The following CFAP54 variants were observed in gnomAD, a reference collection of about 807,000 sequenced individuals.
CFAP54 encodes the protein cilia- and flagella-associated protein 54.
CFAP54 carries 290 observed loss-of-function variants against 370.4 expected under a neutral mutation model. The ratio of observed to expected loss-of-function variants is 0.78; its 90% CI spans 0.71 to 0.86. CFAP54 has a LOEUF of 0.86. Among genes scored for constraint, CFAP54 ranks in the 40% least tolerant of loss-of-function variants. The pLI is 0.00. For missense variants in CFAP54, 3,399 were observed against 3,528.7 expected, an observed-to-expected ratio of 0.96 and a Z score of 0.93; for synonymous variants, 1,206 against 1,236.5, an observed-to-expected ratio of 0.98 and a Z score of 0.52.
chr12:96,502,396 TAAA>T (rs535053383), intron 2 of CFAP54, among the ~76,000 whole-genome samples: 1 of 68,594 alleles, frequency 1.5e-5, no homozygotes, highest in Non-Finnish European at 2.6e-5. Flanking sequence ...ACACTGTCCC[TAAA>T]AAAAAAAAAA....
intron 66 of CFAP54, 22 bp from the exon 67 acceptor site, chr12:96,860,797 A>G: frequency 6.7e-7 from 1 of 1,500,714 alleles, no homozygotes; most frequent in South Asian, 1.3e-5. Context: ...CATTTCATGA[A>G]CACTTTTATG....
At chr12:96,778,624 G>C (rs893722794) in intron 60 of CFAP54, among the ~76,000 whole-genome samples, 1 of 152,012 alleles carries the variant, frequency 6.6e-6, no homozygotes, top group African/African-American at 2.4e-5. Flanking sequence ...AGGATTTTTA[G>C]CTCTTCTCTG....
rs531348122 is a variant in CFAP54, at chr12:96,501,098, A to G, written c.423+159A>G. The stretch of plus-strand genomic sequence containing the variant: ...ATTTTAATAAGGCACAGTAACCAAA[A>G]AAGTGTTGCTTTTTAATTTTGTAGT... On this transcript the variant is annotated intron_variant, in intron 2 of 67. Coordinates refer to ENST00000524981, the MANE Select transcript of CFAP54 (RefSeq NM_001306084.2). The G allele has an allele frequency of 1.6e-5, 8 of 489,574 alleles. No homozygotes were observed. In the South Asian group the frequency reaches 2.5e-4, roughly 15 times the overall value. 30.3% of individuals were successfully genotyped at this position (489,574 alleles called of 1,614,324 possible). A position where few individuals can be genotyped will look rare whatever the true frequency, so the allele number is the denominator to read the frequency against.
chr12:96,580,168 T>C (rs925419240), intron 20 of CFAP54, among the ~76,000 whole-genome samples: 19 of 151,828 alleles, frequency 1.3e-4, no homozygotes, highest in East Asian at 9.6e-4. Flanking sequence ...GTGTTAATCT[T>C]TTTTTTTACA....
chr12:96,531,600 C>T (rs1455754366), intron 9 of CFAP54, among the ~76,000 whole-genome samples: 1 of 152,076 alleles, frequency 6.6e-6, no homozygotes, highest in Admixed American at 6.6e-5. Context: ...TATTCTGTTG[C>T]ATTCTGGGAA....
intron 4 of CFAP54, among the ~76,000 whole-genome samples, chr12:96,508,126 CT>C (rs398020728): frequency 4.1e-4 from 46 of 112,204 alleles, no homozygotes; most frequent in African/African-American, 1.2e-3. Context: ...CAAACATAGT[CT>C]TTTTTTTTTT....
intron 36 of CFAP54, among the ~76,000 whole-genome samples, chr12:96,657,266 G>A (rs1956931916): frequency 6.6e-6 from 1 of 152,136 alleles, no homozygotes; most frequent in South Asian, 2.1e-4. Flanking sequence ...CACACTATTG[G>A]TACATAGTAA....
At chr12:96,740,846 T>C (rs1245872048) in intron 51 of CFAP54, among the ~76,000 whole-genome samples, 3 of 152,156 alleles carry the variant, frequency 2.0e-5, no homozygotes, top group Admixed American at 1.3e-4. Context: ...TTGTCACAAC[T>C]GGGTGGAGGC....
chr12:96,832,194 T>C (rs1475263067), intron 66 of CFAP54, among the ~76,000 whole-genome samples: 1 of 151,912 alleles, frequency 6.6e-6, no homozygotes, highest in Non-Finnish European at 1.5e-5. Flanking sequence ...CATGACTTGC[T>C]CCTCCTTGCC....
At chr12:96,800,200 C>T (rs1468226034) in intron 63 of CFAP54, among the ~76,000 whole-genome samples, 1 of 152,160 alleles carries the variant, frequency 6.6e-6, no homozygotes, top group Non-Finnish European at 1.5e-5. Flanking sequence ...CTGTATGCTG[C>T]TATTGGAAAA....
chr12:96,569,170 G>C (rs527926145), intron 19 of CFAP54, among the ~76,000 whole-genome samples: 1 of 152,294 alleles, frequency 6.6e-6, no homozygotes, highest in African/African-American at 2.4e-5. Context: ...AGGCAGAAAT[G>C]CTCCTCCATC....
chr12:96,763,233 A>G (rs1191546246), intron 58 of CFAP54, among the ~76,000 whole-genome samples: 1 of 152,096 alleles, frequency 6.6e-6, no homozygotes, highest in East Asian at 1.9e-4. Context: ...AACTGAATAT[A>G]TATTTTTAAA....
intron 34 of CFAP54, among the ~76,000 whole-genome samples, chr12:96,648,922 A>C (rs1956828808): frequency 6.6e-6 from 1 of 152,058 alleles, no homozygotes; most frequent in African/African-American, 2.4e-5. Context: ...GTGCTCTGGA[A>C]ACTGTAGTCT....
intron 44 of CFAP54, 132 bp downstream of exon 44, chr12:96,691,442 TCTTA>T (rs1957386872): frequency 7.3e-6 from 4 of 547,656 alleles, no homozygotes; most frequent in African/African-American, 2.0e-5. Context: ...TATGTGGGAT[TCTTA>T]CTTACACTTC....
intron 1 of CFAP54, among the ~76,000 whole-genome samples, chr12:96,491,101 A>T (rs2136339011): frequency 6.6e-6 from 1 of 152,034 alleles, no homozygotes; most frequent in South Asian, 2.1e-4. Context: ...CTCCCAAAGT[A>T]TTGGATTACA....
chr12:96,796,164 C>T (rs1018940989), intron 63 of CFAP54, among the ~76,000 whole-genome samples: 1 of 152,218 alleles, frequency 6.6e-6, no homozygotes, highest in Admixed American at 6.5e-5. Context: ...CAGCAAGCCA[C>T]TTCCTTCAGA....
chr12:96,591,040 G>A (rs1956118674), intron 23 of CFAP54, among the ~76,000 whole-genome samples: 1 of 152,182 alleles, frequency 6.6e-6, no homozygotes, highest in Admixed American at 6.5e-5. Flanking sequence ...CCTAGGCATT[G>A]CTTAACATTT....
At chr12:96,617,216 C>T (rs1042228781) in intron 26 of CFAP54, among the ~76,000 whole-genome samples, 5 of 152,100 alleles carry the variant, frequency 3.3e-5, no homozygotes, top group Non-Finnish European at 7.4e-5. Flanking sequence ...ATTTTGGAGT[C>T]GATAGGATAT....
intron 17 of CFAP54, among the ~76,000 whole-genome samples, chr12:96,556,210 A>G (rs1955749568): frequency 6.6e-6 from 1 of 152,030 alleles, no homozygotes. Flanking sequence ...ATCTTCTTAA[A>G]CAAGATTCAA....
Sources: allele counts gnomAD v4.1 joint callset (sites outside exome capture counted in the v4.1 genomes callset), GRCh38; gene constraint gnomAD v4.1.1; transcripts MANE v1.5; gene names NCBI Gene and HGNC (gene_info 2026-07-23, HGNC 2026-07-21).